The following NBEAL1 variants were observed in gnomAD, a reference collection of about 807,000 sequenced individuals.
The protein encoded by NBEAL1 is neurobeachin like 1, also known as neurobeachin-like protein 1.
NBEAL1 carries 273 observed loss-of-function variants against 351.3 expected under a neutral mutation model. That is an observed-to-expected ratio of 0.78 (90% CI 0.70 to 0.86). The LOEUF (loss-of-function observed/expected upper bound fraction) is 0.86. Ranked by LOEUF, NBEAL1 falls within the 40% of genes least tolerant of loss-of-function variation. The pLI is 0.00. For synonymous variants in NBEAL1, 1,050 were observed against 1,086.4 expected (o/e 0.97, Z 0.66); for missense variants, 2,961 against 3,201.3 (o/e 0.92, Z 1.81).
chr2:203,057,730 T>C (rs1385535461), intron 6 of NBEAL1, among the ~76,000 whole-genome samples: 1 of 135,306 alleles, frequency 7.4e-6, no homozygotes, highest in East Asian at 2.2e-4. Context: ...AAATACAGTA[T>C]ACATATTTTT....
intron 27 of NBEAL1, among the ~76,000 whole-genome samples, chr2:203,133,974 T>C (rs2063138546): frequency 6.6e-6 from 1 of 152,098 alleles, no homozygotes; most frequent in South Asian, 2.1e-4. Context: ...TTCCATGTTA[T>C]AAACTGCTGT....
intron 6 of NBEAL1, among the ~76,000 whole-genome samples, chr2:203,067,545 A>G (rs2061614125): frequency 6.6e-6 from 1 of 152,232 alleles, no homozygotes; most frequent in African/African-American, 2.4e-5. Context: ...TAGCTCAATT[A>G]TGGTCATTAA....
intron 31 of NBEAL1, among the ~76,000 whole-genome samples, chr2:203,140,456 G>A (rs1379580316): frequency 6.6e-6 from 1 of 151,694 alleles, no homozygotes; most frequent in African/African-American, 2.4e-5. Flanking sequence ...CGGATGATTT[G>A]TGTTTTTTCT....
At chr2:203,205,558 G>A (rs2105825891) in intron 51 of NBEAL1, among the ~76,000 whole-genome samples, 1 of 152,166 alleles carries the variant, frequency 6.6e-6, no homozygotes, top group East Asian at 1.9e-4. Flanking sequence ...TTGATGTAAT[G>A]TATTATGTTG....
At position 203,084,466 on chromosome 2, in the gene NBEAL1, C is replaced by T; in HGVS notation, c.995C>T (p.Thr332Ile). Reference sequence around the variant, plus strand: ...GATTTTCTTTTTATTTTCCTAGATACCATCACAGCCATGTTAGATTGTACA... The same window carrying T: ...GATTTTCTTTTTATTTTCCTAGATATCATCACAGCCATGTTAGATTGTACA... ...FIALQIKMLNTITAMLDCTDR... is the reference protein window; with the variant it reads ...FIALQIKMLNIITAMLDCTDR... The change falls in exon 10 of 56, where the codon ACC (threonine) becomes ATC (isoleucine). Residue 332 changes from threonine to isoleucine, a missense_variant. Thr to Ile is a moderately conservative substitution (Grantham distance 89, BLOSUM62 -1). Transcript: ENST00000683969. The T allele has an allele frequency of 1.4e-6, 2 of 1,443,694 alleles. No homozygotes were observed. The highest frequency in any genetic ancestry group is 1.8e-6 in the Non-Finnish European group (2 of 1,091,786). 89.4% of individuals were successfully genotyped at this position (1,443,694 alleles called of 1,614,324 possible).
intron 2 of NBEAL1, among the ~76,000 whole-genome samples, chr2:203,035,147 AG>A (rs1425108540): frequency 6.7e-6 from 1 of 149,130 alleles, no homozygotes; most frequent in African/African-American, 2.4e-5. Flanking sequence ...GCCTCCCAAA[AG>A]GTTAGTGGGT....
intron 12 of NBEAL1, among the ~76,000 whole-genome samples, chr2:203,106,614 A>G (rs1274925468): frequency 6.6e-6 from 1 of 152,072 alleles, no homozygotes; most frequent in African/African-American, 2.4e-5. Flanking sequence ...TTTTGTCCAT[A>G]TAATAGCTGG....
In NBEAL1 at chr2:203,183,337, G is replaced by A. The variant is rs781070555; in HGVS notation, c.6654G>A (p.Pro2218=). Residue 2218 remains proline, a synonymous_variant, in exon 44 of 56, where the codon CCG becomes CCA. Coordinates refer to ENST00000683969, the MANE Select transcript of NBEAL1 (RefSeq NM_001378026.1). ...SKELVNDVIL[P]KWAKSAEDFI... is the part of the protein sequence containing the mutation. ...AATTAGTAAATGATGTCATTCTCCC[G>A]AAATGGGCTAAATCAGCTGAAGATT... The A allele has an allele frequency of 4.4e-6, 7 of 1,601,142 alleles. No homozygotes were observed. The highest frequency in any genetic ancestry group is 5.1e-6 in the Non-Finnish European group (6 of 1,174,726).
chr2:203,022,318 G>A (rs2060785429), intron 2 of NBEAL1, among the ~76,000 whole-genome samples: 1 of 152,162 alleles, frequency 6.6e-6, no homozygotes, highest in Non-Finnish European at 1.5e-5. Flanking sequence ...CAAAAGCACA[G>A]CATTTTGAAA....
chr2:203,168,893 C>CAAAAA (rs35683401), intron 38 of NBEAL1, among the ~76,000 whole-genome samples: 2 of 97,250 alleles, frequency 2.1e-5, no homozygotes, highest in Non-Finnish European at 3.7e-5. Flanking sequence ...GACTCCATCT[C>CAAAAA]AAAAAAAAAA....
At chr2:203,060,649 T>C (rs960794250) in intron 6 of NBEAL1, among the ~76,000 whole-genome samples, 1 of 152,192 alleles carries the variant, frequency 6.6e-6, no homozygotes, top group African/African-American at 2.4e-5. Flanking sequence ...AATTTTCACA[T>C]CGATGTTTTC....
At chr2:203,059,901 T>C (rs1280964150) in intron 6 of NBEAL1, among the ~76,000 whole-genome samples, 1 of 152,232 alleles carries the variant, frequency 6.6e-6, no homozygotes. Context: ...GTAGCCTTTA[T>C]ACTCATTAGC....
At chr2:203,190,939 A>G in intron 46 of NBEAL1, 2 of 1,610,478 alleles carry the variant, frequency 1.2e-6, no homozygotes, top group Non-Finnish European at 1.7e-6. Context: ...GGGTGACTGG[A>G]AGGGCCTGAG....
At chr2:203,161,313 C>G (rs2063949972) in intron 36 of NBEAL1, among the ~76,000 whole-genome samples, 1 of 124,554 alleles carries the variant, frequency 8.0e-6, no homozygotes, top group Non-Finnish European at 1.6e-5. Flanking sequence ...GGCAATGGAG[C>G]TAGACTCCAT....
chr2:203,164,254 A>T (rs2064060434), intron 36 of NBEAL1, among the ~76,000 whole-genome samples: 1 of 151,782 alleles, frequency 6.6e-6, no homozygotes, highest in Non-Finnish European at 1.5e-5. Context: ...CCCATCTAAA[A>T]ATATATATAT....
At chr2:203,082,799 A>G (rs1239923412) in intron 8 of NBEAL1, among the ~76,000 whole-genome samples, 2 of 152,174 alleles carry the variant, frequency 1.3e-5, no homozygotes, top group Non-Finnish European at 2.9e-5. Flanking sequence ...CAATATTCCT[A>G]TTCTTTCTGT....
At chr2:203,031,311 A>G (rs536388422) in intron 2 of NBEAL1, among the ~76,000 whole-genome samples, 1 of 152,350 alleles carries the variant, frequency 6.6e-6, no homozygotes, top group South Asian at 2.1e-4. Flanking sequence ...CAGAAAACAT[A>G]CAATTGTGAT....
At chr2:203,216,940 A>G (rs1337868946) in intron 55 of NBEAL1, among the ~76,000 whole-genome samples, 2 of 152,132 alleles carry the variant, frequency 1.3e-5, no homozygotes, top group African/African-American at 4.8e-5. Context: ...AGTGGCTGGG[A>G]TTACAGGCGT....
At chr2:203,215,592 G>A (rs1380163637) in intron 55 of NBEAL1, among the ~76,000 whole-genome samples, 3 of 152,074 alleles carry the variant, frequency 2.0e-5, no homozygotes, top group Admixed American at 6.5e-5. Flanking sequence ...GGAGGCTGAG[G>A]CAGGAGAATC....
Sources: gnomAD v4.1 joint callset for allele counts (sites outside exome capture counted in the v4.1 genomes callset) on GRCh38, gnomAD v4.1.1 for gene constraint, MANE v1.5 for transcripts, NCBI Gene and HGNC (gene_info 2026-07-23, HGNC 2026-07-21) for gene names.